Variants in TSHZ3 observed in about 807,000 individuals in gnomAD.
TSHZ3 encodes the protein teashirt homolog 3.
In TSHZ3, 10 loss-of-function variants were observed where a neutral mutation model predicts 64.5. The observed-to-expected ratio is 0.16, with a 90% confidence interval of 0.10 to 0.26. The LOEUF is 0.26. TSHZ3 is among the 10% of genes least tolerant of loss of function. The pLI, the probability that TSHZ3 is intolerant of heterozygous loss-of-function variation, is 1.00. For synonymous variants in TSHZ3, 608 were observed against 593.1 expected (o/e 1.03, Z -0.36); for missense variants, 1,242 against 1,421.7 (o/e 0.87, Z 2.03).
intron 1 of TSHZ3, among the ~76,000 whole-genome samples, chr19:31,334,121 A>G (rs1385606912): frequency 2.6e-5 from 4 of 152,060 alleles, no homozygotes; most frequent in African/African-American, 9.7e-5. Flanking sequence ...TGTTTGTTCT[A>G]TTAGTTATTC....
chr19:31,237,659 C>A (rs1975636642), intron 3 of TSHZ3, among the ~76,000 whole-genome samples: 1 of 151,888 alleles, frequency 6.6e-6, no homozygotes, highest in African/African-American at 2.4e-5. Flanking sequence ...AGCTTATTTT[C>A]TTTTTCTGTC....
chr19:31,210,758 A>C (rs953733475), intron 4 of TSHZ3, among the ~76,000 whole-genome samples: 8 of 152,210 alleles, frequency 5.3e-5, no homozygotes, highest in African/African-American at 1.9e-4. Flanking sequence ...ATTTGAAAGA[A>C]AACAACCTTA....
intron 3 of TSHZ3, among the ~76,000 whole-genome samples, chr19:31,228,220 T>C (rs772529517): frequency 2.6e-5 from 4 of 152,126 alleles, no homozygotes; most frequent in Non-Finnish European, 4.4e-5. Flanking sequence ...AATTCCTGAA[T>C]TCACCAATAC....
intron 3 of TSHZ3, among the ~76,000 whole-genome samples, chr19:31,229,287 G>T (rs922447254): frequency 1.3e-5 from 2 of 152,160 alleles, no homozygotes; most frequent in Admixed American, 1.3e-4. Context: ...AGAAACATTT[G>T]CAAGGACATT....
rs138340710 is a variant in TSHZ3 at position 31,322,140 on chromosome 19, T to G, written c.40+27040A>C. Among the ~76,000 whole-genome samples the G allele has an allele frequency of 1.2e-4, 19 of 152,336 alleles. No individual in the cohort carries two copies. The East Asian group carries it at 1.5e-3, about 12-fold the overall frequency. ...ATAATGGTTTTATGTTTGTTTGTTT[T>G]TTTTTGTTTTTCTCAGACGGAGTCT... On this transcript the variant is annotated intron_variant, in intron 1 of 1. Coordinates refer to ENST00000240587, the MANE Select transcript of TSHZ3 (RefSeq NM_020856.4).
intron 1 of TSHZ3, among the ~76,000 whole-genome samples, chr19:31,348,039 G>A (rs1303091585): frequency 6.6e-6 from 1 of 152,168 alleles, no homozygotes; most frequent in Non-Finnish European, 1.5e-5. Context: ...GAAAAGAAAG[G>A]AAGCCCCACT....
chr19:31,166,826 A>T (rs1974459127), intron 5 of TSHZ3, among the ~76,000 whole-genome samples: 1 of 152,366 alleles, frequency 6.6e-6, no homozygotes, highest in East Asian at 1.9e-4. Context: ...CACAAGCCAC[A>T]TGCTTAAGAA....
At chr19:31,290,214 G>A (rs897531209) in intron 1 of TSHZ3, among the ~76,000 whole-genome samples, 15 of 152,252 alleles carry the variant, frequency 9.9e-5, no homozygotes, top group African/African-American at 3.6e-4. Flanking sequence ...TGGGTGTGAG[G>A]GATAGACAGA....
chr19:31,272,805 T>C (rs145897324), downstream of TSHZ3, among the ~76,000 whole-genome samples: 6 of 152,160 alleles, frequency 3.9e-5, no homozygotes, highest in African/African-American at 1.2e-4. Flanking sequence ...TCGGAAGATA[T>C]ACAGTAGGAC....
intron 5 of TSHZ3, among the ~76,000 whole-genome samples, chr19:31,157,590 G>A (rs529736309): frequency 6.6e-6 from 1 of 152,102 alleles, no homozygotes; most frequent in African/African-American, 2.4e-5. Context: ...TGAAGGAAAA[G>A]GGTAGATTAT....
chr19:31,232,425 G>A (rs1975553573), intron 3 of TSHZ3, among the ~76,000 whole-genome samples: 1 of 152,198 alleles, frequency 6.6e-6, no homozygotes, highest in Non-Finnish European at 1.5e-5. Context: ...CAGGGTGGCT[G>A]TAGCTCAGCT....
At chr19:31,286,424 A>G (rs957498039) in intron 1 of TSHZ3, among the ~76,000 whole-genome samples, 5 of 152,246 alleles carry the variant, frequency 3.3e-5, no homozygotes, top group Non-Finnish European at 7.3e-5. Flanking sequence ...TAATATGAGC[A>G]TGTTTATGAG....
rs111486013 is a variant in TSHZ3 at position 31,206,074 on chromosome 19, G to A, written n.687-996C>T. On this transcript the variant is annotated intron_variant and non_coding_transcript_variant, in intron 4 of 6. Transcript: ENST00000651361. ...AAGATAAATGAATAGATGGATGGGT[G>A]AAATGGATGGATGGATGGATGGATG... Among the ~76,000 whole-genome samples the A allele has an allele frequency of 9.9e-5, 13 of 131,160 alleles. No individual in the cohort carries two copies. The South Asian group carries it at 1.1e-3, about 12-fold the overall frequency. 86.0% of individuals were successfully genotyped at this position (131,160 alleles called of 152,430 possible). A position where few individuals can be genotyped will look rare whatever the true frequency, so the allele number is the denominator to read the frequency against.
At chr19:31,302,143 G>A (rs1976767502) in intron 1 of TSHZ3, among the ~76,000 whole-genome samples, 1 of 152,202 alleles carries the variant, frequency 6.6e-6, no homozygotes, top group Non-Finnish European at 1.5e-5. Context: ...ATGGTGCTGA[G>A]CCATCTGAGA....
At chr19:31,246,153 C>T (rs1975755320) in intron 1 of TSHZ3, among the ~76,000 whole-genome samples, 1 of 152,024 alleles carries the variant, frequency 6.6e-6, no homozygotes, top group Non-Finnish European at 1.5e-5. Flanking sequence ...AAGTATGTTG[C>T]TAATCAGAAT....
At chr19:31,218,786 GT>G (rs1465667601) in intron 4 of TSHZ3, among the ~76,000 whole-genome samples, 1 of 152,210 alleles carries the variant, frequency 6.6e-6, no homozygotes, top group East Asian at 1.9e-4. Context: ...ACTAATTGGG[GT>G]GGGGGAAGCC....
intron 1 of TSHZ3, among the ~76,000 whole-genome samples, chr19:31,293,143 A>G (rs558951600): frequency 1.3e-5 from 2 of 152,156 alleles, no homozygotes; most frequent in East Asian, 1.9e-4. Context: ...CCATCCGCCC[A>G]CCCACCCATC....
intron 1 of TSHZ3, among the ~76,000 whole-genome samples, chr19:31,306,251 C>A (rs1240367674): frequency 6.6e-6 from 1 of 152,174 alleles, no homozygotes; most frequent in East Asian, 1.9e-4. Context: ...GGCTGGGCTG[C>A]GAGCTTCCTT....
chr19:31,306,333 T>G (rs1177438546), intron 1 of TSHZ3, among the ~76,000 whole-genome samples: 1 of 152,248 alleles, frequency 6.6e-6, no homozygotes, highest in Non-Finnish European at 1.5e-5. Context: ...CCAAGAGGCC[T>G]AACAGTCAAA....
Sources: gnomAD v4.1 joint callset for allele counts (sites outside exome capture counted in the v4.1 genomes callset) on GRCh38, gnomAD v4.1.1 for gene constraint, MANE v1.5 for transcripts, NCBI Gene and HGNC (gene_info 2026-07-23, HGNC 2026-07-21) for gene names.